The following NR6A1 variants were observed in gnomAD, a reference collection of about 807,000 sequenced individuals.
The protein encoded by NR6A1 is retinoic acid receptor-related testis-associated receptor.
In NR6A1, 7 loss-of-function variants were observed where a neutral mutation model predicts 59.1. That is an observed-to-expected ratio of 0.12 (90% CI 0.07 to 0.22). The LOEUF (loss-of-function observed/expected upper bound fraction) is 0.22. Ranked by LOEUF, NR6A1 falls within the 10% of genes least tolerant of loss-of-function variation. NR6A1 has a pLI of 1.00. For missense variants in NR6A1, 468 were observed against 611.6 expected (o/e 0.77, Z 2.48); for synonymous variants, 243 against 236.1 (o/e 1.03, Z -0.27).
At chr9:124,692,604 C>A in intron 2 of NR6A1, 1 of 365,062 alleles carries the variant, frequency 2.7e-6, no homozygotes. Context: ...CTTCACATGT[C>A]ACATGAGTTC....
chr9:124,538,158 A>T lies in NR6A1; in HGVS notation c.758T>A (p.Leu253Gln), dbSNP rs748104718. The T allele has an allele frequency of 5.0e-6, 8 of 1,614,104 alleles. No individual in the cohort carries two copies. Among genetic ancestry groups the T allele is most frequent in the Admixed American group, 3.3e-5 (2 of 60,016 alleles). Residue 253 changes from leucine to glutamine, a missense_variant, in exon 6 of 10, where the codon CTG becomes CAG. Transcript: ENST00000487099. ...ARSLDPQSYS[L>Q]IHQLLSAEDL... ...CTCGGCTGATAACAGCTGGTGAATC[A>T]GACTGTATGACTGGGGATCCAGGCT...
At chr9:124,617,197 T>C (rs1473852545) in intron 2 of NR6A1, among the ~76,000 whole-genome samples, 1 of 152,104 alleles carries the variant, frequency 6.6e-6, no homozygotes, top group African/African-American at 2.4e-5. Context: ...AGCTAATTCC[T>C]CCCTCCCGTT....
chr9:124,726,187 CGTT>C lies in NR6A1; in HGVS notation c.142+7118_142+7120del, dbSNP rs763964032. ...TTGGGGTCATGTCAAACCCTCACAT[CGTT>C]GTTAAGTAGTGACTGTAACTGTGTA... On this transcript the variant is annotated intron_variant, in intron 2 of 9. Coordinates refer to ENST00000487099, the MANE Select transcript of NR6A1 (RefSeq NM_033334.4). Among the ~76,000 whole-genome samples the C allele has an allele frequency of 9.2e-5, 14 of 152,218 alleles. No individual in the cohort carries two copies. The East Asian group carries it at 1.7e-3, about 19-fold the overall frequency.
intron 2 of NR6A1, among the ~76,000 whole-genome samples, chr9:124,570,304 GA>G (rs1834403632): frequency 6.6e-6 from 1 of 152,162 alleles, no homozygotes; most frequent in Non-Finnish European, 1.5e-5. Flanking sequence ...GAAAGGCACA[GA>G]CCTGTCTACT....
chr9:124,603,294 G>A (rs1398198253), intron 2 of NR6A1, among the ~76,000 whole-genome samples: 1 of 152,174 alleles, frequency 6.6e-6, no homozygotes, highest in African/African-American at 2.4e-5. Context: ...CGAGAGGTGT[G>A]TGTGTTGTGT....
chr9:124,745,447 A>C (rs1343305859), intron 1 of NR6A1, among the ~76,000 whole-genome samples: 1 of 152,072 alleles, frequency 6.6e-6, no homozygotes, highest in Non-Finnish European at 1.5e-5. Flanking sequence ...TGAGGCGGGC[A>C]GATCACCTGA....
chr9:124,554,050 G>A (rs1332604892), intron 3 of NR6A1, among the ~76,000 whole-genome samples: 1 of 152,128 alleles, frequency 6.6e-6, no homozygotes, highest in Non-Finnish European at 1.5e-5. Context: ...GAAATAACTA[G>A]TGAAGTATAT....
At chr9:124,681,411 G>A (rs1276143246) in intron 2 of NR6A1, among the ~76,000 whole-genome samples, 1 of 143,884 alleles carries the variant, frequency 7.0e-6, no homozygotes, top group African/African-American at 2.6e-5. Flanking sequence ...GTATGGTCTC[G>A]GCTCACTGCA....
intron 2 of NR6A1, among the ~76,000 whole-genome samples, chr9:124,594,921 T>G (rs900710498): frequency 7.9e-5 from 12 of 152,190 alleles, no homozygotes; most frequent in African/African-American, 2.9e-4. Context: ...TCCTAGAAAT[T>G]TATCAACTGC....
chr9:124,712,300 A>C (rs1302558360), intron 2 of NR6A1, among the ~76,000 whole-genome samples: 1 of 152,158 alleles, frequency 6.6e-6, no homozygotes, highest in Non-Finnish European at 1.5e-5. Context: ...AAAATGAGAA[A>C]TTAAGGAAAA....
intron 2 of NR6A1, among the ~76,000 whole-genome samples, chr9:124,639,583 A>G (rs1412823339): frequency 6.6e-6 from 1 of 152,228 alleles, no homozygotes; most frequent in African/African-American, 2.4e-5. Context: ...GGTTCAGTGT[A>G]GACAGGGACA....
At chr9:124,730,719 G>C (rs762215052) in intron 2 of NR6A1, among the ~76,000 whole-genome samples, 18 of 149,712 alleles carry the variant, frequency 1.2e-4, no homozygotes, top group Non-Finnish European at 1.8e-4. Context: ...AACCCAGAAA[G>C]AAGAATTCAA....
intron 2 of NR6A1, among the ~76,000 whole-genome samples, chr9:124,631,199 C>T (rs958405855): frequency 3.9e-5 from 6 of 152,010 alleles, no homozygotes; most frequent in South Asian, 4.2e-4. Context: ...CCATGACCAG[C>T]GAGAGGGAAA....
intron 1 of NR6A1, among the ~76,000 whole-genome samples, chr9:124,758,286 T>C (rs1014349512): frequency 2.6e-5 from 4 of 152,186 alleles, no homozygotes; most frequent in African/African-American, 9.6e-5. Context: ...CATGCACCTC[T>C]CCCCTTTCCT....
intron 2 of NR6A1, among the ~76,000 whole-genome samples, chr9:124,610,056 T>C (rs1489471215): frequency 6.6e-6 from 1 of 152,150 alleles, no homozygotes; most frequent in East Asian, 1.9e-4. Context: ...AAACAGACAA[T>C]TTGACTTCCT....
chr9:124,570,827 T>C (rs1053657162), intron 2 of NR6A1, among the ~76,000 whole-genome samples: 1 of 152,222 alleles, frequency 6.6e-6, no homozygotes, highest in Non-Finnish European at 1.5e-5. Flanking sequence ...CATTCATAGA[T>C]AGCTTGGATC....
chr9:124,589,975 G>T (rs966401317), intron 2 of NR6A1, among the ~76,000 whole-genome samples: 1 of 136,034 alleles, frequency 7.4e-6, no homozygotes, highest in Non-Finnish European at 1.5e-5. Context: ...TGAGGCAGGA[G>T]AATCGCTTGA....
chr9:124,595,080 C>G (rs1236372799), intron 2 of NR6A1, among the ~76,000 whole-genome samples: 1 of 152,162 alleles, frequency 6.6e-6, no homozygotes, highest in African/African-American at 2.4e-5. Flanking sequence ...ATGTGTCTTT[C>G]CTGGCCTAAA....
intron 2 of NR6A1, among the ~76,000 whole-genome samples, chr9:124,592,016 G>C (rs1463854832): frequency 1.3e-5 from 2 of 152,230 alleles, no homozygotes; most frequent in Non-Finnish European, 2.9e-5. Flanking sequence ...CAGTAGCAGG[G>C]GAACAGAAAA....
Sources: gnomAD v4.1 joint callset for allele counts (sites outside exome capture counted in the v4.1 genomes callset) on GRCh38, gnomAD v4.1.1 for gene constraint, MANE v1.5 for transcripts, NCBI Gene and HGNC (gene_info 2026-07-23, HGNC 2026-07-21) for gene names.